The following PRKG1 variants were observed in gnomAD, a reference collection of about 807,000 sequenced individuals.
PRKG1 encodes the protein protein kinase cGMP-dependent 1, also known as cGMP-dependent protein kinase 1.
PRKG1 carries 35 observed loss-of-function variants against 88.1 expected under a neutral mutation model. That is an observed-to-expected ratio of 0.40 (90% CI 0.30 to 0.53). The LOEUF (loss-of-function observed/expected upper bound fraction) is 0.53. Among genes scored for constraint, PRKG1 ranks in the 20% least tolerant of loss-of-function variants. PRKG1 has a pLI of 0.59. For missense variants in PRKG1, 540 were observed against 839.8 expected (o/e 0.64, Z 4.41); for synonymous variants, 303 against 292.5 (o/e 1.04, Z -0.37).
At chr10:51,301,648 C>A (rs149744510) in intron 2 of PRKG1, among the ~76,000 whole-genome samples, 261 of 152,224 alleles carry the variant, frequency 1.7e-3, no homozygotes, top group African/African-American at 6.1e-3. Flanking sequence ...GTCAGGAGAG[C>A]CAGGCGAGGG....
intron 1 of PRKG1, among the ~76,000 whole-genome samples, chr10:51,077,145 T>C (rs1040486153): frequency 6.6e-6 from 1 of 152,246 alleles, no homozygotes; most frequent in African/African-American, 2.4e-5. Flanking sequence ...TGAATGGTTG[T>C]ACAAGGTAGC....
rs1010118702 is a variant in PRKG1, at chr10:52,297,815, A to G, written c.*3915A>G. The G allele has an allele frequency of 1.3e-5, 2 of 152,200 alleles. No homozygotes were observed. Among genetic ancestry groups the G allele is most frequent in the Middle Eastern group, 3.2e-3 (1 of 316 alleles). The allele number at this position is 152,200 out of a possible 1,614,324, so 9.4% of individuals were successfully genotyped here. ...CTAACCAGACCTCGTTATGAAACCA[A>G]TGATGAAAAAGTCACTTGGTGCACC... On this transcript the variant is annotated 3_prime_UTR_variant, in exon 18 of 18. Coordinates refer to ENST00000373980, the MANE Select transcript of PRKG1 (RefSeq NM_006258.4).
At chr10:51,784,575 T>A (rs1838681381) in intron 3 of PRKG1, among the ~76,000 whole-genome samples, 1 of 152,178 alleles carries the variant, frequency 6.6e-6, no homozygotes, top group Admixed American at 6.6e-5. Context: ...CAGTGTGTTT[T>A]ATATTTGGTG....
At chr10:52,257,262 A>G (rs1462965319) in intron 10 of PRKG1, among the ~76,000 whole-genome samples, 2 of 139,456 alleles carry the variant, frequency 1.4e-5, no homozygotes, top group East Asian at 2.1e-4. Flanking sequence ...CCACTCTCAC[A>G]GCATTTTTGC....
intron 1 of PRKG1, among the ~76,000 whole-genome samples, chr10:51,069,080 T>C (rs1168342868): frequency 2.0e-5 from 3 of 151,894 alleles, no homozygotes; most frequent in Admixed American, 1.3e-4. Context: ...TGAGACCCAA[T>C]AATAACTTCC....
intron 3 of PRKG1, among the ~76,000 whole-genome samples, chr10:51,633,396 G>A (rs1008521995): frequency 2.6e-5 from 4 of 151,916 alleles, no homozygotes; most frequent in African/African-American, 9.7e-5. Context: ...AAGCAAGCGA[G>A]GGAAAATATA....
intron 4 of PRKG1, among the ~76,000 whole-genome samples, chr10:51,853,954 G>A (rs1445522836): frequency 1.3e-5 from 2 of 151,856 alleles, no homozygotes; most frequent in Admixed American, 1.3e-4. Flanking sequence ...ACCAGCAAGT[G>A]GTAAAATGCA....
chr10:51,308,078 G>T (rs1006418950), intron 2 of PRKG1, among the ~76,000 whole-genome samples: 1 of 152,126 alleles, frequency 6.6e-6, no homozygotes, highest in Non-Finnish European at 1.5e-5. Context: ...AGTACCTAAG[G>T]TACATTAAAT....
rs1363050146 is a variant in PRKG1, at chr10:51,323,422, G to A, written c.479-144301G>A. 4.6e-5 allele frequency among the ~76,000 whole-genome samples: 7 copies of A among 152,098 alleles called. No homozygotes were observed. The South Asian group carries it at 1.5e-3, about 32-fold the overall frequency. On this transcript the variant is annotated intron_variant, in intron 2 of 17. Transcript: ENST00000373980. The stretch of plus-strand genomic sequence containing the variant: ...TCCAGAATTAGATGACCTATATTCA[G>A]ACTCTAATAATTTCCAGCTGAGTAA...
intron 5 of PRKG1, among the ~76,000 whole-genome samples, chr10:52,053,169 G>C (rs1480829447): frequency 6.6e-6 from 1 of 152,114 alleles, no homozygotes. Context: ...GTCTTGAAGT[G>C]TACATATCAG....
At chr10:50,997,407 C>A (rs1842847016) in intron 1 of PRKG1, among the ~76,000 whole-genome samples, 1 of 152,092 alleles carries the variant, frequency 6.6e-6, no homozygotes, top group African/African-American at 2.4e-5. Flanking sequence ...GGAAATTTGA[C>A]CCTCATGAAA....
chr10:52,073,145 A>T (rs899039731), intron 7 of PRKG1, among the ~76,000 whole-genome samples: 1 of 152,204 alleles, frequency 6.6e-6, no homozygotes, highest in Non-Finnish European at 1.5e-5. Flanking sequence ...CACTGTCTTC[A>T]CATGGCTGTT....
At chr10:51,863,050 T>A (rs76744948) in intron 4 of PRKG1, among the ~76,000 whole-genome samples, 1,861 of 152,234 alleles carry the variant, frequency 0.012, 43 homozygotes, top group African/African-American at 0.042. Flanking sequence ...TCTCTTTCTC[T>A]TACTCTCTCC....
rs549997108 is a variant in PRKG1, at chr10:51,829,228, T to A, written c.698+24538T>A. Among the ~76,000 whole-genome samples, 187 of 152,348 alleles carry A rather than the reference T, an allele frequency of 1.2e-3. 1 individual carries two copies. The highest frequency in any genetic ancestry group is 2.3e-3 in the Non-Finnish European group (156 of 68,030). The stretch of plus-strand genomic sequence containing the variant: ...AAATGATGCAAGACAGATCTGAGAA[T>A]GACCAAGATGGAATTCCATGTCTTC... On this transcript the variant is annotated intron_variant, in intron 4 of 17. Coordinates refer to ENST00000373980, the MANE Select transcript of PRKG1 (RefSeq NM_006258.4).
At chr10:51,800,166 C>T (rs1306732706) in intron 3 of PRKG1, among the ~76,000 whole-genome samples, 1 of 151,938 alleles carries the variant, frequency 6.6e-6, no homozygotes, top group Non-Finnish European at 1.5e-5. Context: ...GGAAGAAATG[C>T]TAAATATCAG....
intron 3 of PRKG1, among the ~76,000 whole-genome samples, chr10:51,497,692 G>A (rs187710691): frequency 2.3e-4 from 35 of 152,304 alleles, no homozygotes; most frequent in Middle Eastern, 3.4e-3. Context: ...TAGGAGTCTT[G>A]TAAAGTATCA....
chr10:51,506,064 C>T (rs1841192496), intron 3 of PRKG1, among the ~76,000 whole-genome samples: 1 of 152,046 alleles, frequency 6.6e-6, no homozygotes, highest in Non-Finnish European at 1.5e-5. Context: ...AAAGGATTCC[C>T]TAGTTAATAA....
chr10:51,875,784 G>A (rs1447868467), intron 4 of PRKG1, among the ~76,000 whole-genome samples: 1 of 152,144 alleles, frequency 6.6e-6, no homozygotes, highest in Non-Finnish European at 1.5e-5. Context: ...ACTCTGGGGG[G>A]AAACATCGTT....
intron 4 of PRKG1, among the ~76,000 whole-genome samples, chr10:51,860,237 A>G (rs555881715): frequency 1.4e-4 from 21 of 152,152 alleles, no homozygotes; most frequent in Non-Finnish European, 2.5e-4. Flanking sequence ...ACAACCCTCA[A>G]AGTTTGTGGC....
Sources: gnomAD v4.1 joint callset for allele counts (sites outside exome capture counted in the v4.1 genomes callset) on GRCh38, gnomAD v4.1.1 for gene constraint, MANE v1.5 for transcripts, NCBI Gene and HGNC (gene_info 2026-07-23, HGNC 2026-07-21) for gene names.